ANXA3: variants seen among roughly 807,000 people sequenced by gnomAD.
ANXA3 encodes 35-alpha calcimedin.
Under a neutral mutation model 48.8 loss-of-function variants are expected in ANXA3, and 46 were observed. That is an observed-to-expected ratio of 0.94 (90% CI 0.74 to 1.21). The LOEUF (loss-of-function observed/expected upper bound fraction) is 1.21, where lower values mean the gene tolerates loss of function less well. Among genes scored for constraint, ANXA3 ranks in the 50% most tolerant of loss-of-function variants. The pLI is 0.00. For synonymous variants in ANXA3, 128 were observed against 134.7 expected, an observed-to-expected ratio of 0.95 and a Z score of 0.35; for missense variants, 383 against 378.6, an observed-to-expected ratio of 1.01 and a Z score of -0.10.
rs758199193 is a variant in ANXA3, at chr4:78,591,634, A to C, written c.483+11A>C. On this transcript the variant is annotated intron_variant, in intron 7 of 12. Transcript: ENST00000264908. ...TTGACTTTGGCAGATGTAAGGTTTT[A>C]TTTTTTATTTTTTAACTCCCCAGTA... 6.3e-7 allele frequency: 1 copy of C among 1,598,658 alleles called. No homozygotes were observed.
chr4:78,590,222 A>G (rs1262839218), intron 6 of ANXA3, among the ~76,000 whole-genome samples: 1 of 152,202 alleles, frequency 6.6e-6, no homozygotes, highest in Non-Finnish European at 1.5e-5. Context: ...AACTAGAATG[A>G]AGGATAGATG....
chr4:78,591,959 A>G (rs904257977), intron 7 of ANXA3, among the ~76,000 whole-genome samples: 3 of 152,226 alleles, frequency 2.0e-5, no homozygotes, highest in African/African-American at 7.2e-5. Flanking sequence ...ATTTTAAAGA[A>G]CAGGTTTATT....
intron 5 of ANXA3, among the ~76,000 whole-genome samples, chr4:78,582,656 G>A (rs1426977910): frequency 1.3e-5 from 2 of 152,044 alleles, no homozygotes; most frequent in African/African-American, 4.8e-5. Flanking sequence ...AAGTTCCTTA[G>A]TTTTACTTCA....
chr4:78,582,206 C>T lies in ANXA3; in HGVS notation c.228C>T (p.Leu76=), dbSNP rs776533550. The T allele has an allele frequency of 1.2e-6, 2 of 1,613,322 alleles. No individual in the cohort carries two copies. Among genetic ancestry groups the T allele is most frequent in the Non-Finnish European group, 1.7e-6 (2 of 1,179,410 alleles). ...TGAAAGATGACTTGAAGGGTGATCT[C>T]TCTGGCCACTTTGAGCATCTCATGG... is the stretch of plus-strand genomic sequence containing the variant. ...KELKDDLKGD[L]SGHFEHLMVA... is the part of the protein sequence containing the mutation. The change falls in exon 5 of 13, where the codon CTC becomes CTT. Residue 76 remains leucine, a synonymous_variant. Transcript: ENST00000264908.
intron 10 of ANXA3, among the ~76,000 whole-genome samples, chr4:78,599,441 C>T (rs533490432): frequency 5.3e-5 from 8 of 152,296 alleles, no homozygotes; most frequent in South Asian, 2.1e-4. Flanking sequence ...ATCTTAGAAT[C>T]GTGTAATAGG....
chr4:78,590,283 T>C (rs1189757531), intron 6 of ANXA3, among the ~76,000 whole-genome samples: 1 of 152,214 alleles, frequency 6.6e-6, no homozygotes, highest in Non-Finnish European at 1.5e-5. Flanking sequence ...ATATTATTAT[T>C]TAGAAAAATA....
intron 1 of ANXA3, among the ~76,000 whole-genome samples, chr4:78,553,275 A>G (rs1278478197): frequency 1.3e-5 from 2 of 152,212 alleles, no homozygotes; most frequent in African/African-American, 2.4e-5. Flanking sequence ...CAAAACGAAG[A>G]TGTAATACCT....
At chr4:78,597,176 C>A (rs1723438750) in intron 9 of ANXA3, 143 bp from the exon 10 acceptor site, 2 of 595,752 alleles carry the variant, frequency 3.4e-6, no homozygotes, top group Admixed American at 3.5e-5. Flanking sequence ...AAAACAAAAA[C>A]TTCTGTGCCC....
In ANXA3 at chr4:78,595,779, T is replaced by G. The variant is rs1165674488; in HGVS notation, c.541-15T>G. On this transcript the variant is annotated splice_polypyrimidine_tract_variant and intron_variant, in intron 8 of 12. Transcript: ENST00000264908. ...GAAAATAATTGTGTCTCTAATATCATTCTCTTGTGAATAGATTCTCTATAA... is the reference window on the plus strand; with the variant it reads ...GAAAATAATTGTGTCTCTAATATCAGTCTCTTGTGAATAGATTCTCTATAA... 1 of 1,520,516 alleles carries G rather than the reference T, an allele frequency of 6.6e-7. No homozygotes were observed. The highest frequency in any genetic ancestry group is 9.1e-7 in the Non-Finnish European group (1 of 1,097,824). 94.2% of individuals were successfully genotyped at this position (1,520,516 alleles called of 1,614,324 possible). A position where few individuals can be genotyped will look rare whatever the true frequency, so the allele number is the denominator to read the frequency against.
At chr4:78,601,640 C>A (rs1047538582) in intron 11 of ANXA3, 72 bp downstream of exon 11, 39 of 1,230,706 alleles carry the variant, frequency 3.2e-5, no homozygotes, top group Middle Eastern at 1.9e-4. Context: ...AATAGTAGAA[C>A]AAATATTTAA....
At chr4:78,596,438 A>G (rs1309889066) in intron 9 of ANXA3, among the ~76,000 whole-genome samples, 3 of 152,224 alleles carry the variant, frequency 2.0e-5, no homozygotes, top group East Asian at 1.9e-4. Context: ...TCTGGAAGCA[A>G]CAACACCTAG....
chr4:78,604,894 C>G (rs755092384), intron 12 of ANXA3, among the ~76,000 whole-genome samples: 7 of 152,184 alleles, frequency 4.6e-5, no homozygotes, highest in Non-Finnish European at 8.8e-5. Flanking sequence ...CAAACAGAGG[C>G]TTCCAGTTTA....
chr4:78,591,620 A>G lies in ANXA3; in HGVS notation c.480A>G (p.Ala160=). 6.2e-7 allele frequency: 1 copy of G among 1,612,342 alleles called. No homozygotes were observed. Among genetic ancestry groups the G allele is most frequent in the Non-Finnish European group, 8.5e-7 (1 of 1,178,554 alleles). The change falls in exon 7 of 13, where the codon GCA becomes GCG. Residue 160 remains alanine, a synonymous_variant. Coordinates refer to ENST00000264908, the MANE Select transcript of ANXA3 (RefSeq NM_005139.3). ...GDFRKALLTL[A]DGRRDESLKV... is the part of the protein sequence containing the mutation. ...TCCGGAAAGCTCTGTTGACTTTGGCAGATGTAAGGTTTTATTTTTTATTTT... is the reference window on the plus strand; with the variant it reads ...TCCGGAAAGCTCTGTTGACTTTGGCGGATGTAAGGTTTTATTTTTTATTTT...
At chr4:78,593,637 T>TATC (rs1327097728) in intron 7 of ANXA3, among the ~76,000 whole-genome samples, 20 of 150,010 alleles carry the variant, frequency 1.3e-4, no homozygotes, top group African/African-American at 4.9e-4. Context: ...TTATTATTAT[T>TATC]ATTATTATTA....
intron 2 of ANXA3, among the ~76,000 whole-genome samples, chr4:78,556,552 G>A (rs1241502495): frequency 6.6e-6 from 1 of 151,890 alleles, no homozygotes; most frequent in Non-Finnish European, 1.5e-5. Context: ...AAGGTGGAGG[G>A]CAAGTTTAAA....
At chr4:78,573,419 A>G (rs774556397) in intron 3 of ANXA3, 152 bp downstream of exon 3, 6 of 610,988 alleles carry the variant, frequency 9.8e-6, no homozygotes, top group African/African-American at 1.9e-5. Context: ...TATATAGAGA[A>G]CCCAGTTTTA....
rs543741912 is a variant in ANXA3 at position 78,595,350 on chromosome 4, G to A, written c.484-31G>A. On this transcript the variant is annotated intron_variant, in intron 7 of 12. Transcript: ENST00000264908. ...TGTGTTAGAATCTTCTATCTTTAAA[G>A]GATGGCCCTTGTTTTCGTCCTCCTG... 1.9e-6 allele frequency: 3 copies of A among 1,612,234 alleles called. No individual in the cohort carries two copies. The African/African-American group carries it at 4.0e-5, about 21-fold the overall frequency.
intron 5 of ANXA3, among the ~76,000 whole-genome samples, chr4:78,585,094 G>A (rs1723145083): frequency 6.6e-6 from 1 of 152,242 alleles, no homozygotes; most frequent in Non-Finnish European, 1.5e-5. Flanking sequence ...AGACCCAAAG[G>A]TGTGGCAGTT....
chr4:78,554,550 G>A (rs1398281331), intron 2 of ANXA3, 62 bp downstream of exon 2: 8 of 1,474,512 alleles, frequency 5.4e-6, no homozygotes, highest in Non-Finnish European at 7.6e-6. Context: ...AAACACAGAA[G>A]GTCAAGATAG....
Sources: gnomAD v4.1 joint callset for allele counts (sites outside exome capture counted in the v4.1 genomes callset) on GRCh38, gnomAD v4.1.1 for gene constraint, MANE v1.5 for transcripts, NCBI Gene and HGNC (gene_info 2026-07-23, HGNC 2026-07-21) for gene names.